Variants in HPSE2 observed in about 807,000 individuals in gnomAD.
HPSE2 encodes heparanase 2 (inactive).
A neutral mutation model predicts 60.5 loss-of-function variants in HPSE2; 38 were observed. The observed-to-expected ratio is 0.63, with a 90% confidence interval of 0.48 to 0.82. The LOEUF is 0.82. HPSE2 is among the 40% of genes least tolerant of loss of function. The pLI is 0.00. For synonymous variants in HPSE2, 295 were observed against 293.2 expected (o/e 1.01, Z -0.06); for missense variants, 713 against 740.4 (o/e 0.96, Z 0.43).
At chr10:99,154,851 GA>G (rs989204964) in intron 2 of HPSE2, among the ~76,000 whole-genome samples, 13 of 152,166 alleles carry the variant, frequency 8.5e-5, no homozygotes, top group Admixed American at 8.5e-4. Flanking sequence ...CTGTATTCAG[GA>G]AACCCAACTC....
intron 3 of HPSE2, among the ~76,000 whole-genome samples, chr10:99,036,239 A>G (rs1957607202): frequency 6.6e-6 from 1 of 152,026 alleles, no homozygotes; most frequent in Non-Finnish European, 1.5e-5. Context: ...AAATAAAATA[A>G]AAATAAATAA....
intron 3 of HPSE2, among the ~76,000 whole-genome samples, chr10:98,781,456 A>C (rs572788128): frequency 6.6e-6 from 1 of 152,184 alleles, no homozygotes; most frequent in South Asian, 2.1e-4. Flanking sequence ...ACTGAAAATA[A>C]ATGTTTAAAA....
rs749742654 is a variant in HPSE2 at position 98,693,916 on chromosome 10, C to T, written c.988G>A (p.Ala330Thr). Residue 330 changes from alanine to threonine, a missense_variant, in exon 6 of 12, where the codon GCA (alanine) becomes ACA (threonine). By Grantham distance (58) the Ala-to-Thr change is moderately conservative. Transcript: ENST00000370552. ...FMKVAGSTVDAVTWQHCYIDG... is the reference protein window; with the variant it reads ...FMKVAGSTVDTVTWQHCYIDG... ...AATACCTACTGTTGCCAGGTAACTG[C>T]ATCTACTGTACTTCCTGCCACCTTC... 1.2e-6 allele frequency: 2 copies of T among 1,613,082 alleles called. No homozygotes were observed. Among genetic ancestry groups the T allele is most frequent in the Non-Finnish European group, 1.7e-6 (2 of 1,179,094 alleles).
chr10:99,282,914 G>A, the HPSE2 span, among the ~76,000 whole-genome samples: 1 of 152,198 alleles, frequency 6.6e-6, no homozygotes, highest in Non-Finnish European at 1.5e-5. Context: ...GCTGAGCGTG[G>A]TGGCTCATGC....
chr10:98,726,432 C>G (rs1372668057), intron 4 of HPSE2, among the ~76,000 whole-genome samples: 1 of 129,764 alleles, frequency 7.7e-6, no homozygotes, highest in Non-Finnish European at 1.5e-5. Flanking sequence ...GGGAACTGAA[C>G]AATGAGAACA....
intron 3 of HPSE2, among the ~76,000 whole-genome samples, chr10:98,897,428 A>C (rs1420874683): frequency 6.6e-6 from 1 of 152,178 alleles, no homozygotes; most frequent in African/African-American, 2.4e-5. Context: ...CACACTATCC[A>C]TTTCAAAGAC....
At chr10:99,175,706 T>C (rs113942222) in intron 2 of HPSE2, among the ~76,000 whole-genome samples, 2,625 of 152,220 alleles carry the variant, frequency 0.017, 104 homozygotes, top group East Asian at 0.16. Flanking sequence ...TCAGCAGACT[T>C]AAACGTTCCT....
intron 3 of HPSE2, among the ~76,000 whole-genome samples, chr10:99,109,355 TATTTA>T (rs1490797345): frequency 1.3e-5 from 2 of 152,164 alleles, no homozygotes; most frequent in African/African-American, 4.8e-5. Flanking sequence ...AATTAAATTT[TATTTA>T]ATTTGGAAAC....
chr10:98,809,935 C>A (rs115758767), intron 3 of HPSE2, among the ~76,000 whole-genome samples: 1 of 152,094 alleles, frequency 6.6e-6, no homozygotes, highest in Non-Finnish European at 1.5e-5. Context: ...TTTCCCATTA[C>A]GGGCAAAACA....
intron 3 of HPSE2, among the ~76,000 whole-genome samples, chr10:99,124,291 G>A (rs192919744): frequency 4.1e-4 from 62 of 152,258 alleles, no homozygotes; most frequent in Non-Finnish European, 7.1e-4. Context: ...GGGTGGGCCC[G>A]GAAAAAGGAC....
chr10:98,870,105 C>T (rs1161871281), intron 3 of HPSE2, among the ~76,000 whole-genome samples: 1 of 152,102 alleles, frequency 6.6e-6, no homozygotes, highest in Non-Finnish European at 1.5e-5. Flanking sequence ...TAATAGGTCA[C>T]ATATAATGTA....
intron 3 of HPSE2, among the ~76,000 whole-genome samples, chr10:98,768,333 A>G (rs1565149687): frequency 1.3e-5 from 2 of 152,146 alleles, no homozygotes; most frequent in African/African-American, 2.4e-5. Flanking sequence ...TTGTCTCCGG[A>G]GAGAAGGGCT....
the HPSE2 span, among the ~76,000 whole-genome samples, chr10:99,283,012 G>A: frequency 1.1e-4 from 17 of 151,746 alleles, no homozygotes; most frequent in Admixed American, 3.3e-4. Context: ...GTGAAACCCC[G>A]ACTCTACTAA....
chr10:99,151,091 C>A lies in HPSE2; in HGVS notation c.449-6692G>T, dbSNP rs147432302. 6.5e-4 allele frequency among the ~76,000 whole-genome samples: 98 copies of A among 151,676 alleles called. 1 individual carries two copies. The highest frequency in any genetic ancestry group is 2.3e-3 in the African/African-American group (96 of 41,386). ...AAGATATAAAGTCCAAATAACTTAC[C>A]TAAAAACAAAGAAAACATAAAACAA... On this transcript the variant is annotated intron_variant, in intron 2 of 11. Coordinates refer to ENST00000370552, the MANE Select transcript of HPSE2 (RefSeq NM_021828.5).
At chr10:99,134,286 G>A (rs967184381) in intron 3 of HPSE2, among the ~76,000 whole-genome samples, 3 of 152,160 alleles carry the variant, frequency 2.0e-5, no homozygotes. Context: ...AGCCAAGTTG[G>A]AAAACACTCT....
At chr10:99,311,065 T>C in the HPSE2 span, among the ~76,000 whole-genome samples, 1 of 152,204 alleles carries the variant, frequency 6.6e-6, no homozygotes, top group Non-Finnish European at 1.5e-5. Context: ...CTATCAATCA[T>C]CCTATCATAA....
chr10:98,696,292 T>TTA (rs1948211747), intron 5 of HPSE2, among the ~76,000 whole-genome samples: 3 of 89,672 alleles, frequency 3.3e-5, no homozygotes, highest in Non-Finnish European at 6.8e-5. Context: ...GAGGCTCCCA[T>TTA]AAAAAAAAAA....
rs752130643 is a variant in HPSE2 at position 98,594,752 on chromosome 10, CT to C, written c.1320+20151del. 2.0e-5 allele frequency among the ~76,000 whole-genome samples: 3 copies of C among 152,084 alleles called. No individual in the cohort carries two copies. The South Asian group carries it at 6.2e-4, about 32-fold the overall frequency. On this transcript the variant is annotated intron_variant, in intron 9 of 11. Transcript: ENST00000370552. ...CATATCTTGGCTATTGTAAGTAATG[CT>C]GCAATGATCATGGAAGGGCAGATAT...
intron 3 of HPSE2, among the ~76,000 whole-genome samples, chr10:98,751,614 A>AT (rs1949760712): frequency 6.6e-6 from 1 of 152,244 alleles, no homozygotes. Flanking sequence ...TGCCTATAGA[A>AT]CAGTATCAAC....
Sources: gnomAD v4.1 joint callset for allele counts (sites outside exome capture counted in the v4.1 genomes callset) on GRCh38, gnomAD v4.1.1 for gene constraint, MANE v1.5 for transcripts, NCBI Gene and HGNC (gene_info 2026-07-23, HGNC 2026-07-21) for gene names.